The following SEPSECS variants were observed in gnomAD, a reference collection of about 807,000 sequenced individuals.
The protein encoded by SEPSECS is O-phosphoseryl-tRNA(Sec) selenium transferase.
SEPSECS carries 42 observed loss-of-function variants against 52.1 expected under a neutral mutation model. The ratio of observed to expected loss-of-function variants is 0.81; its 90% confidence interval spans 0.63 to 1.04. The LOEUF (loss-of-function observed/expected upper bound fraction) is 1.04. Among genes scored for constraint, SEPSECS ranks in the 50% least tolerant of loss-of-function variants. The probability of loss-of-function intolerance (pLI) is 0.00; values close to 1 mark genes in which losing one functional copy is unlikely to be tolerated. For synonymous variants in SEPSECS, 216 were observed against 211.4 expected (o/e 1.02, Z -0.19); for missense variants, 590 against 610.6 (o/e 0.97, Z 0.36).
intron 6 of SEPSECS, among the ~76,000 whole-genome samples, chr4:25,149,484 A>G (rs1362785041): frequency 1.3e-5 from 2 of 152,212 alleles, no homozygotes; most frequent in African/African-American, 4.8e-5. Flanking sequence ...CAGAAATATA[A>G]CACTAAAAAA....
Position 25,123,083 on chromosome 4 carries a change from G to C in SEPSECS, c.*848C>G, listed in dbSNP as rs1728195926. 6.6e-6 allele frequency: 1 copy of C among 152,106 alleles called. No individual in the cohort carries two copies. The highest frequency in any genetic ancestry group is 1.5e-5 in the Non-Finnish European group (1 of 68,022). 9.4% of individuals were successfully genotyped at this position (152,106 alleles called of 1,614,324 possible). On this transcript the variant is annotated 3_prime_UTR_variant, in exon 11 of 11. Coordinates refer to ENST00000382103, the MANE Select transcript of SEPSECS (RefSeq NM_016955.4). ...CATATAAAACAATTTATAATGACAT[G>C]TTTGGAATCCGTGACCCTGGTTATC... is the stretch of plus-strand genomic sequence containing the variant.
chr4:25,120,901 T>C lies in SEPSECS; in HGVS notation c.*3030A>G, dbSNP rs1299960082. The C allele has an allele frequency of 6.6e-6, 1 of 152,136 alleles. No homozygotes were observed. The highest frequency in any genetic ancestry group is 2.4e-5 in the African/African-American group (1 of 41,442). The allele number at this position is 152,136 out of a possible 1,614,324, so 9.4% of individuals were successfully genotyped here. A position where few individuals can be genotyped will look rare whatever the true frequency, so the allele number is the denominator to read the frequency against. ...ATTATCTGTTTAAATTTTACTAAAATCTATGGAAGCCATAGATGTAGTCTA... is the reference window on the plus strand; with the variant it reads ...ATTATCTGTTTAAATTTTACTAAAACCTATGGAAGCCATAGATGTAGTCTA... On this transcript the variant is annotated 3_prime_UTR_variant, in exon 11 of 11. Coordinates refer to ENST00000382103, the MANE Select transcript of SEPSECS (RefSeq NM_016955.4).
chr4:25,154,840 A>G (rs953006354), intron 5 of SEPSECS, among the ~76,000 whole-genome samples, 158 bp downstream of exon 5: 11 of 152,206 alleles, frequency 7.2e-5, no homozygotes, highest in African/African-American at 2.7e-4. Context: ...TGGTTTCCCA[A>G]GCTGTTAATG....
chr4:25,125,369 T>A (rs967987080), intron 10 of SEPSECS: 1 of 253,066 alleles, frequency 4.0e-6, no homozygotes, highest in Non-Finnish European at 7.6e-6. Flanking sequence ...GGCTTATCTC[T>A]AATACCATAA....
At chr4:25,159,806 T>G in intron 1 of SEPSECS, 1 of 1,092,774 alleles carries the variant, frequency 9.2e-7, no homozygotes, top group South Asian at 2.1e-5. Context: ...TTTAATGAAA[T>G]TAAAATACAT....
At chr4:25,126,594 A>G (rs1728383147) in intron 9 of SEPSECS, among the ~76,000 whole-genome samples, 1 of 152,216 alleles carries the variant, frequency 6.6e-6, no homozygotes, top group South Asian at 2.1e-4. Flanking sequence ...AGCTTAAAAG[A>G]TAATTAAGTT....
chr4:25,133,135 G>C (rs1053228011), intron 8 of SEPSECS, among the ~76,000 whole-genome samples: 1 of 152,012 alleles, frequency 6.6e-6, no homozygotes, highest in East Asian at 1.9e-4. Flanking sequence ...TAGCCTAAAA[G>C]AGTTCTCAGG....
chr4:25,157,705 C>T (rs1226367741), intron 2 of SEPSECS, among the ~76,000 whole-genome samples: 1 of 151,932 alleles, frequency 6.6e-6, no homozygotes, highest in Non-Finnish European at 1.5e-5. Flanking sequence ...CCACCACGCC[C>T]GGCTAATTTT....
intron 9 of SEPSECS, among the ~76,000 whole-genome samples, chr4:25,126,769 G>T (rs1460540917): frequency 2.0e-5 from 3 of 152,124 alleles, no homozygotes; most frequent in African/African-American, 7.2e-5. Context: ...CATAAGAAAA[G>T]ATTTAATTTC....
At chr4:25,157,633 C>T (rs1158458014) in intron 2 of SEPSECS, among the ~76,000 whole-genome samples, 1 of 151,854 alleles carries the variant, frequency 6.6e-6, no homozygotes, top group Non-Finnish European at 1.5e-5. Context: ...CAAGCTCCAC[C>T]TCCCAGGTTC....
At chr4:25,159,252 G>A in intron 1 of SEPSECS, 145 bp from the exon 2 acceptor site, 1 of 690,186 alleles carries the variant, frequency 1.4e-6, no homozygotes, top group Non-Finnish European at 2.4e-6. Flanking sequence ...CCACTGTATA[G>A]AGACCGCAAA....
intron 8 of SEPSECS, among the ~76,000 whole-genome samples, chr4:25,128,704 C>A (rs1458434991): frequency 6.6e-6 from 1 of 152,042 alleles, no homozygotes; most frequent in African/African-American, 2.4e-5. Context: ...ACTACATCTG[C>A]AGCTAAACAA....
rs1258120743 is a variant in SEPSECS at position 25,120,077 on chromosome 4, TACACCG to T, written c.*3848_*3853del. The T allele has an allele frequency of 1.3e-5, 2 of 152,130 alleles. No homozygotes were observed. Among genetic ancestry groups the T allele is most frequent in the African/African-American group, 4.8e-5 (2 of 41,458 alleles). 9.4% of individuals were successfully genotyped at this position (152,130 alleles called of 1,614,324 possible). Reference sequence around the variant, plus strand: ...AATTTATTTTCATCTTTAAACAGTCTACACCGAAAACATTTTTGGAAACATCTTTTC... The same window carrying T: ...AATTTATTTTCATCTTTAAACAGTCTAAAACATTTTTGGAAACATCTTTTC... On this transcript the variant is annotated 3_prime_UTR_variant, in exon 11 of 11. Transcript: ENST00000382103.
In SEPSECS at chr4:25,145,209, A is replaced by C. The variant is rs1481139850; in HGVS notation, c.805-76T>G. 7 of 1,443,018 alleles carry C rather than the reference A, an allele frequency of 4.9e-6. No individual in the cohort carries two copies. The African/African-American group carries it at 7.0e-5, about 15-fold the overall frequency. The allele number at this position is 1,443,018 out of a possible 1,614,324, so 89.4% of individuals were successfully genotyped here. A position where few individuals can be genotyped will look rare whatever the true frequency, so the allele number is the denominator to read the frequency against. ...CTATTAACAAACAAATACCACAACA[A>C]AAAATTATAACTATTTGAGTTAATT... is the stretch of plus-strand genomic sequence containing the variant. On this transcript the variant is annotated intron_variant, in intron 6 of 10. Coordinates refer to ENST00000382103, the MANE Select transcript of SEPSECS (RefSeq NM_016955.4).
intron 8 of SEPSECS, among the ~76,000 whole-genome samples, chr4:25,129,898 A>C (rs1182477136): frequency 1.3e-5 from 2 of 152,200 alleles, no homozygotes; most frequent in Non-Finnish European, 2.9e-5. Context: ...TTGTTTTTAA[A>C]GCAGTCACAT....
chr4:25,142,501 T>C (rs1270768207), intron 8 of SEPSECS, among the ~76,000 whole-genome samples: 2 of 152,260 alleles, frequency 1.3e-5, no homozygotes, highest in Non-Finnish European at 2.9e-5. Context: ...CTTTATCTAC[T>C]GTATTGACTG....
Position 25,121,421 on chromosome 4 carries a change from T to A in SEPSECS, c.*2510A>T, listed in dbSNP as rs1226419725. On this transcript the variant is annotated 3_prime_UTR_variant, in exon 11 of 11. Transcript: ENST00000382103. ...AATAAGGGTAGTTGGGTCAAAAAGA[T>A]AGAAGAGGTTATCTTCGGCAATGAT... is the stretch of plus-strand genomic sequence containing the variant. The A allele has an allele frequency of 6.6e-6, 1 of 152,178 alleles. No individual in the cohort carries two copies. Among genetic ancestry groups the A allele is most frequent in the Non-Finnish European group, 1.5e-5 (1 of 68,004 alleles). 9.4% of individuals were successfully genotyped at this position (152,178 alleles called of 1,614,324 possible).
chr4:25,122,923 A>G lies in SEPSECS; in HGVS notation c.*1008T>C, dbSNP rs375166577. 2 of 152,174 alleles carry G rather than the reference A, an allele frequency of 1.3e-5. No individual in the cohort carries two copies. The highest frequency in any genetic ancestry group is 1.9e-4 in the East Asian group (1 of 5,198). 9.4% of individuals were successfully genotyped at this position (152,174 alleles called of 1,614,324 possible). On this transcript the variant is annotated 3_prime_UTR_variant, in exon 11 of 11. Transcript: ENST00000382103. ...GGCAAAAATATGTTCAAAAATACCC[A>G]TGTTAGCTAATTTTGATGATGTCTG...
chr4:25,151,834 C>A (rs949706967), intron 6 of SEPSECS, 126 bp downstream of exon 6: 1 of 657,330 alleles, frequency 1.5e-6, no homozygotes. Context: ...AAGTTCCTAA[C>A]ACAACCTGAA....
Sources: gnomAD v4.1 joint callset for allele counts (sites outside exome capture counted in the v4.1 genomes callset) on GRCh38, gnomAD v4.1.1 for gene constraint, MANE v1.5 for transcripts, NCBI Gene and HGNC (gene_info 2026-07-23, HGNC 2026-07-21) for gene names.